PPP3R1: variants seen among roughly 807,000 people sequenced by gnomAD.
PPP3R1 encodes protein phosphatase 3 regulatory subunit B, alpha.
In PPP3R1, 5 loss-of-function variants were observed where a neutral mutation model predicts 22.6. The observed-to-expected ratio is 0.22, with a 90% CI of 0.12 to 0.46. The LOEUF is 0.46. Ranked by LOEUF, PPP3R1 falls within the 20% of genes least tolerant of loss-of-function variation. PPP3R1 has a pLI of 0.99. For missense variants in PPP3R1, 61 were observed against 203.2 expected (o/e 0.30, Z 4.25); for synonymous variants, 56 against 65.2 (o/e 0.86, Z 0.68).
chr2:68,229,910 GTATA>G (rs1316076142), intron 1 of PPP3R1, among the ~76,000 whole-genome samples: 2 of 151,056 alleles, frequency 1.3e-5, no homozygotes, highest in South Asian at 4.2e-4. Context: ...GGGTGTGTGT[GTATA>G]TGTGTATATA....
intron 1 of PPP3R1, among the ~76,000 whole-genome samples, chr2:68,239,770 A>G (rs1253579244): frequency 2.6e-5 from 4 of 152,216 alleles, no homozygotes; most frequent in Non-Finnish European, 5.9e-5. Flanking sequence ...AGTATATAAA[A>G]GTTGTTAAAT....
intron 5 of PPP3R1, among the ~76,000 whole-genome samples, chr2:68,184,274 C>A (rs1674484189): frequency 6.6e-6 from 1 of 152,166 alleles, no homozygotes; most frequent in African/African-American, 2.4e-5. Flanking sequence ...AATTTCTGAG[C>A]CTTTCACGGA....
chr2:68,187,152 T>C, intron 4 of PPP3R1, 103 bp downstream of exon 4: 1 of 979,894 alleles, frequency 1.0e-6, no homozygotes, highest in Non-Finnish European at 1.5e-6. Context: ...TCTAAGGATC[T>C]GGAATAAAAG....
Position 68,180,851 on chromosome 2 carries a change from C to G in PPP3R1, c.*112G>C. 8.9e-7 allele frequency: 1 copy of G among 1,128,058 alleles called. No individual in the cohort carries two copies. Among genetic ancestry groups the G allele is most frequent in the East Asian group, 2.6e-5 (1 of 38,860 alleles). 69.9% of individuals were successfully genotyped at this position (1,128,058 alleles called of 1,614,324 possible). Reference sequence around the variant, plus strand: ...GCTCATGTTGGAAAATGTGGCTTCACAGAGAAAAATACTTCCATTTAAATA... The same window carrying G: ...GCTCATGTTGGAAAATGTGGCTTCAGAGAGAAAAATACTTCCATTTAAATA... On this transcript the variant is annotated 3_prime_UTR_variant, in exon 6 of 6. Coordinates refer to ENST00000234310, the MANE Select transcript of PPP3R1 (RefSeq NM_000945.4).
intron 5 of PPP3R1, among the ~76,000 whole-genome samples, chr2:68,183,083 C>T (rs1186184817): frequency 6.6e-6 from 1 of 152,236 alleles, no homozygotes; most frequent in Non-Finnish European, 1.5e-5. Flanking sequence ...GGATCCTACA[C>T]TCTCTACTTG....
chr2:68,252,471 T>TCGCGCC lies in PPP3R1; in HGVS notation c.-350_-345dup, dbSNP rs1003504750. The TCGCGCC allele has an allele frequency of 1.0e-6, 1 of 986,330 alleles. No homozygotes were observed. The allele number at this position is 986,330 out of a possible 1,614,324, so 61.1% of individuals were successfully genotyped here. ...AAACTCGGGGGCTGCAGCCTCGCGC[T>TCGCGCC]CGCGCCGGAGCCGTGACGGACTCAC... On this transcript the variant is annotated 5_prime_UTR_variant, in exon 1 of 6. Coordinates refer to ENST00000234310, the MANE Select transcript of PPP3R1 (RefSeq NM_000945.4).
chr2:68,236,498 G>C (rs1052996689), intron 1 of PPP3R1, among the ~76,000 whole-genome samples: 3 of 152,160 alleles, frequency 2.0e-5, no homozygotes, highest in Non-Finnish European at 4.4e-5. Context: ...GAGCTTCGGG[G>C]AGACGATAAC....
intron 1 of PPP3R1, among the ~76,000 whole-genome samples, chr2:68,224,882 AATAG>A (rs1170834058): frequency 6.6e-6 from 1 of 152,226 alleles, no homozygotes; most frequent in Non-Finnish European, 1.5e-5. Context: ...TGAAGACTTG[AATAG>A]ATATTTCACA....
intron 1 of PPP3R1, among the ~76,000 whole-genome samples, chr2:68,231,048 C>T (rs1344385205): frequency 1.3e-5 from 2 of 152,126 alleles, no homozygotes; most frequent in African/African-American, 4.8e-5. Context: ...AAATTTTCAG[C>T]CATTATTTCC....
At chr2:68,192,925 T>A (rs1214772276) in intron 2 of PPP3R1, among the ~76,000 whole-genome samples, 3 of 152,144 alleles carry the variant, frequency 2.0e-5, no homozygotes, top group East Asian at 3.8e-4. Context: ...CTTATAAACC[T>A]CCTGCTGGAA....
At chr2:68,188,804 A>G (rs897392778) in intron 2 of PPP3R1, 114 bp from the exon 3 acceptor site, 14 of 804,294 alleles carry the variant, frequency 1.7e-5, no homozygotes, top group Non-Finnish European at 2.6e-5. Flanking sequence ...GGGGAAAAAA[A>G]ATCTAACAGT....
chr2:68,187,374 T>C (rs1213887845), intron 3 of PPP3R1, 60 bp from the exon 4 acceptor site: 2 of 1,358,648 alleles, frequency 1.5e-6, no homozygotes, highest in Non-Finnish European at 2.1e-6. Flanking sequence ...ACAAAAAACA[T>C]ATTTACCTTA....
chr2:68,215,323 A>C (rs949121178), intron 2 of PPP3R1, among the ~76,000 whole-genome samples: 9 of 150,630 alleles, frequency 6.0e-5, no homozygotes, highest in Middle Eastern at 6.8e-3. Context: ...ATATTCCAAA[A>C]CCCCCCCCAA....
intron 1 of PPP3R1, among the ~76,000 whole-genome samples, chr2:68,220,361 T>G (rs1041309384): frequency 3.9e-5 from 6 of 152,138 alleles, no homozygotes; most frequent in Non-Finnish European, 8.8e-5. Flanking sequence ...GAGAGGAAAC[T>G]CCCCAAGTCC....
chr2:68,227,950 C>G (rs1187695348), intron 1 of PPP3R1, among the ~76,000 whole-genome samples: 1 of 152,034 alleles, frequency 6.6e-6, no homozygotes, highest in Non-Finnish European at 1.5e-5. Flanking sequence ...ATCTGTATGC[C>G]TTTATATTCT....
intron 1 of PPP3R1, among the ~76,000 whole-genome samples, chr2:68,225,263 G>A (rs1001327613): frequency 5.3e-5 from 8 of 152,174 alleles, no homozygotes; most frequent in Admixed American, 6.5e-5. Context: ...TGACCTGTAA[G>A]AGCCCTTTAA....
chr2:68,236,348 A>G (rs1670020135), intron 1 of PPP3R1, among the ~76,000 whole-genome samples: 1 of 152,192 alleles, frequency 6.6e-6, no homozygotes, highest in Non-Finnish European at 1.5e-5. Context: ...AAATGGTGCA[A>G]CAGACTGTAT....
At chr2:68,199,739 AATTAC>A (rs1225235724) in intron 2 of PPP3R1, among the ~76,000 whole-genome samples, 2 of 152,206 alleles carry the variant, frequency 1.3e-5, no homozygotes, top group Non-Finnish European at 2.9e-5. Context: ...CAAAATAGTA[AATTAC>A]ATTAATTTTT....
At chr2:68,236,641 T>C (rs2103801995) in intron 1 of PPP3R1, among the ~76,000 whole-genome samples, 1 of 152,252 alleles carries the variant, frequency 6.6e-6, no homozygotes, top group South Asian at 2.1e-4. Flanking sequence ...AGATACAGCT[T>C]TTACTATTTA....
Sources: gnomAD v4.1 joint callset for allele counts (sites outside exome capture counted in the v4.1 genomes callset) on GRCh38, gnomAD v4.1.1 for gene constraint, MANE v1.5 for transcripts, NCBI Gene and HGNC (gene_info 2026-07-23, HGNC 2026-07-21) for gene names.